RNF17: variants seen among roughly 807,000 people sequenced by gnomAD.
The protein encoded by RNF17 is spermatogenesis associated 23.
A neutral mutation model predicts 200.5 loss-of-function variants in RNF17; 31 were observed. The ratio of observed to expected loss-of-function variants is 0.15; its 90% CI spans 0.12 to 0.21. The LOEUF (loss-of-function observed/expected upper bound fraction) is 0.21. Ranked by LOEUF, RNF17 falls within the 10% of genes least tolerant of loss-of-function variation. The pLI, the probability that RNF17 is intolerant of heterozygous loss-of-function variation, is 1.00. For missense variants in RNF17, 1,628 were observed against 1,905.1 expected, an observed-to-expected ratio of 0.85 and a Z score of 2.71; for synonymous variants, 606 against 637.8, an observed-to-expected ratio of 0.95 and a Z score of 0.75.
chr13:24,872,126 A>G (rs146318156), intron 32 of RNF17, among the ~76,000 whole-genome samples: 3 of 150,802 alleles, frequency 2.0e-5, no homozygotes, highest in Admixed American at 6.6e-5. Flanking sequence ...TCGCCTGTCT[A>G]ATTTTGTATT....
the RNF17 span, among the ~76,000 whole-genome samples, chr13:24,749,700 A>G: frequency 1.3e-5 from 2 of 152,152 alleles, 1 homozygote; most frequent in Non-Finnish European, 2.9e-5. Context: ...AAAGGATGAG[A>G]AGAAATGCTG....
intron 15 of RNF17, among the ~76,000 whole-genome samples, chr13:24,817,716 CA>C (rs34461016): frequency 8.4e-4 from 115 of 137,492 alleles, no homozygotes; most frequent in African/African-American, 1.3e-3. Context: ...GACTTCATCT[CA>C]AAAAAAAAAA....
At chr13:24,888,161 G>A in the RNF17 span, among the ~76,000 whole-genome samples, 3 of 152,248 alleles carry the variant, frequency 2.0e-5, no homozygotes, top group East Asian at 5.8e-4. Flanking sequence ...AGAAAATGGT[G>A]TACTTGTGGC....
chr13:24,797,705 A>AGTGTGTGTGTGTGTGTGTGTGTGT lies in RNF17; in HGVS notation c.1399+1427_1399+1450dup, dbSNP rs777888152. Among the ~76,000 whole-genome samples, 302 of 119,056 alleles carry AGTGTGTGTGTGTGTGTGTGTGTGT rather than the reference A, an allele frequency of 2.5e-3. 3 individuals are homozygous for AGTGTGTGTGTGTGTGTGTGTGTGT. Among genetic ancestry groups the AGTGTGTGTGTGTGTGTGTGTGTGT allele is most frequent in the Non-Finnish European group, 3.1e-3 (180 of 57,568 alleles). 78.1% of individuals were successfully genotyped at this position (119,056 alleles called of 152,430 possible). A position where few individuals can be genotyped will look rare whatever the true frequency, so the allele number is the denominator to read the frequency against. ...GAGAGAGAGAGAGAGAGAGACAAAG[A>AGTGTGTGTGTGTGTGTGTGTGTGT]GTGTGTGTGTGTGTGTGTGTGTGTG... On this transcript the variant is annotated intron_variant, in intron 11 of 35. Transcript: ENST00000255324.
chr13:24,797,387 T>C (rs938903241), intron 11 of RNF17, among the ~76,000 whole-genome samples: 1 of 152,236 alleles, frequency 6.6e-6, no homozygotes, highest in African/African-American at 2.4e-5. Flanking sequence ...TCCCTTTTCC[T>C]GCCTCTGTAC....
chr13:24,884,088 T>C, downstream of RNF17: 1 of 1,572,430 alleles, frequency 6.4e-7, no homozygotes, highest in South Asian at 1.1e-5. Context: ...GTTTTTCTGT[T>C]TAAAAAGTTG....
At chr13:24,884,210 C>T (rs765299653), downstream of RNF17, 5 of 1,614,118 alleles carry the variant, frequency 3.1e-6, no homozygotes, top group Admixed American at 1.7e-5. Context: ...CCGGGTATGT[C>T]GTGTGAGTGG....
At chr13:24,850,271 A>T in intron 22 of RNF17, 70 bp from the exon 23 acceptor site, 1 of 931,896 alleles carries the variant, frequency 1.1e-6, no homozygotes, top group Non-Finnish European at 1.7e-6. Context: ...GTGTAAATAT[A>T]GTGTTTTTTG....
chr13:24,843,856 C>T lies in RNF17; in HGVS notation c.2716C>T (p.Pro906Ser). The T allele has an allele frequency of 2.5e-6, 4 of 1,603,294 alleles. No homozygotes were observed. The highest frequency in any genetic ancestry group is 3.4e-6 in the Non-Finnish European group (4 of 1,170,950). Residue 906 changes from proline to serine, a missense_variant, in exon 20 of 36, where the codon CCT (proline) becomes TCT (serine). Coordinates refer to ENST00000255324, the MANE Select transcript of RNF17 (RefSeq NM_031277.3). ...NLNPVSAKSL[P>S]NENFQSLYNK... The stretch of plus-strand genomic sequence containing the variant: ...AAATCCTGTGTCTGCAAAATCTCTA[C>T]CTAATGAGAATTTTCAGTCACTTTA...
At position 24,812,305 on chromosome 13, in the gene RNF17, G is replaced by A. The variant is rs896735617; in HGVS notation, c.2091+7876G>A. Among the ~76,000 whole-genome samples, 6 of 151,848 alleles carry A rather than the reference G, an allele frequency of 4.0e-5. 1 individual carries two copies. Among genetic ancestry groups the A allele is most frequent in the African/African-American group, 2.4e-5 (1 of 41,446 alleles). ...TAGCAGTCAGCGAGACTCCGTGGGC[G>A]TAGGACACTCTGAGCCATGTGCGGG... On this transcript the variant is annotated intron_variant, in intron 15 of 35. Transcript: ENST00000255324.
chr13:24,853,305 A>T (rs1892139591), intron 24 of RNF17, among the ~76,000 whole-genome samples: 1 of 152,144 alleles, frequency 6.6e-6, no homozygotes. Context: ...TTTCCTCCTA[A>T]GATTTTATTT....
At position 24,800,427 on chromosome 13, in the gene RNF17, T is replaced by G; in HGVS notation, c.1651T>G (p.Leu551Val). ...TAAGCAACATATTGCACTAAATGAT[T>G]TATGTCTGGTTCTAAGGAAATCTGA... is the stretch of plus-strand genomic sequence containing the variant. The part of the protein sequence containing the change: ...SAKQHIALND[L>V]CLVLRKSEPY... The change falls in exon 13 of 36, where the codon TTA (leucine) becomes GTA (valine). Residue 551 changes from leucine (L) to valine (V), a missense_variant. Leu to Val is a conservative substitution (Grantham distance 32). Around this residue, in one of 5 missense-constraint regions of RNF17, gnomAD observed 289 missense variants for 384.9 expected, o/e 0.75. Transcript: ENST00000255324. The G allele has an allele frequency of 6.2e-7, 1 of 1,613,062 alleles. No homozygotes were observed. Among genetic ancestry groups the G allele is most frequent in the African/African-American group, 1.3e-5 (1 of 74,998 alleles).
rs576855995 is a variant in RNF17, at chr13:24,842,079, G to A, written c.2521G>A (p.Asp841Asn). 330 of 1,611,362 alleles carry A rather than the reference G, an allele frequency of 2.0e-4. 2 individuals are homozygous for A. In the South Asian group the frequency reaches 3.4e-3, roughly 17 times the overall value. Residue 841 changes from aspartate (D) to asparagine (N), a missense_variant, in exon 19 of 36, where the codon GAT becomes AAT. Around this residue, in one of 5 missense-constraint regions of RNF17, gnomAD observed 227 missense variants for 319.8 expected, o/e 0.71. Coordinates refer to ENST00000255324, the MANE Select transcript of RNF17 (RefSeq NM_031277.3). ...TAATGTGCTCTTAGTTGAGCTTTTC[G>A]ATTCTCTTGGTGCTCCTGAAATGAC... Reference protein sequence around the residue: ...EDNVLLVELFDSLGAPEMTTT... With the variant: ...EDNVLLVELFNSLGAPEMTTT...
chr13:24,838,000 A>G (rs1566202794), intron 18 of RNF17, among the ~76,000 whole-genome samples: 1 of 152,208 alleles, frequency 6.6e-6, no homozygotes. Context: ...AAGAAATGAA[A>G]CAGGAGATAT....
At chr13:24,875,205 C>T (rs1240882922) in intron 33 of RNF17, among the ~76,000 whole-genome samples, 7 of 151,942 alleles carry the variant, frequency 4.6e-5, no homozygotes, top group East Asian at 1.9e-4. Flanking sequence ...ATAAGTGCAA[C>T]GTGAATTCTG....
intron 26 of RNF17, among the ~76,000 whole-genome samples, chr13:24,860,709 A>G (rs1411212872): frequency 6.6e-6 from 1 of 152,150 alleles, no homozygotes; most frequent in Non-Finnish European, 1.5e-5. Flanking sequence ...GCTCTTGAGG[A>G]ATTTGTAAAT....
the RNF17 span, among the ~76,000 whole-genome samples, chr13:24,887,305 G>C: frequency 1.3e-5 from 2 of 152,160 alleles, no homozygotes; most frequent in African/African-American, 4.8e-5. Context: ...CAAACCCCAC[G>C]GTATACTGGT....
At chr13:24,866,092 C>T in intron 29 of RNF17, 52 bp from the exon 30 acceptor site, 2 of 996,290 alleles carry the variant, frequency 2.0e-6, no homozygotes, top group Non-Finnish European at 3.1e-6. Flanking sequence ...ATGGAAAGTA[C>T]CTTAAAACAA....
intron 25 of RNF17, among the ~76,000 whole-genome samples, chr13:24,856,408 A>G (rs1425667281): frequency 6.9e-6 from 1 of 145,086 alleles, no homozygotes; most frequent in African/African-American, 2.6e-5. Flanking sequence ...TGACAGAGCA[A>G]GAATCCGTCT....
Sources: gnomAD v4.1 joint callset for allele counts (sites outside exome capture counted in the v4.1 genomes callset) on GRCh38, gnomAD v4.1.1 for gene constraint, gnomAD v4.1.1 regional missense constraint, MANE v1.5 for transcripts, NCBI Gene and HGNC (gene_info 2026-07-23, HGNC 2026-07-21) for gene names.